Variants in ZNF143 observed in about 807,000 individuals in gnomAD.
ZNF143 encodes zinc finger protein 143.
Under a neutral mutation model 74.1 loss-of-function variants are expected in ZNF143, and 49 were observed. That is an observed-to-expected ratio of 0.66 (90% CI 0.53 to 0.84). The LOEUF (loss-of-function observed/expected upper bound fraction) is 0.84. Ranked by LOEUF, ZNF143 falls within the 40% of genes least tolerant of loss-of-function variation. ZNF143 has a pLI of 0.00. For synonymous variants in ZNF143, 304 were observed against 282.8 expected, an observed-to-expected ratio of 1.07 and a Z score of -0.75; for missense variants, 637 against 793.4, an observed-to-expected ratio of 0.80 and a Z score of 2.37.
At chr11:9,476,981 C>G (rs1223047154) in intron 5 of ZNF143, among the ~76,000 whole-genome samples, 1 of 150,708 alleles carries the variant, frequency 6.6e-6, no homozygotes, top group Non-Finnish European at 1.5e-5. Context: ...CCAGGATGGT[C>G]TCGGTCTCCT....
intron 13 of ZNF143, among the ~76,000 whole-genome samples, chr11:9,513,248 A>G (rs1251177423): frequency 1.3e-5 from 2 of 152,160 alleles, no homozygotes; most frequent in Non-Finnish European, 2.9e-5. Flanking sequence ...TCTTTCATGG[A>G]GAACGCTCTC....
intron 6 of ZNF143, 85 bp from the exon 7 acceptor site, chr11:9,479,387 A>T: frequency 9.9e-7 from 1 of 1,013,394 alleles, no homozygotes; most frequent in Non-Finnish European, 1.4e-6. Context: ...TTTTTTTTGC[A>T]AGCTTCTCCC....
intron 2 of ZNF143, among the ~76,000 whole-genome samples, chr11:9,471,935 G>GTT (rs11285095): frequency 7.3e-5 from 10 of 136,788 alleles, no homozygotes; most frequent in East Asian, 6.6e-4. Flanking sequence ...CTTTTCTTTT[G>GTT]TTTTTTTTTT....
rs1856658142 is a variant in ZNF143, at chr11:9,472,769, G to A, written c.205G>A (p.Asp69Asn). 6.4e-7 allele frequency: 1 copy of A among 1,566,116 alleles called. No individual in the cohort carries two copies. The highest frequency in any genetic ancestry group is 1.2e-5 in the South Asian group (1 of 83,212). The change falls in exon 3 of 16, where the codon GAT becomes AAT. Residue 69 changes from aspartate to asparagine, a missense_variant and splice_region_variant. Transcript: ENST00000396602. ...TGCTTACATACAACACAATTCTAAA[G>A]GTATGTGCCTCACATATGGCTGATT... is the stretch of plus-strand genomic sequence containing the variant. ...STAYIQHNSK[D>N]AKLIDGQVIQ...
At chr11:9,494,164 C>G (rs924387170) in intron 7 of ZNF143, among the ~76,000 whole-genome samples, 11 of 152,178 alleles carry the variant, frequency 7.2e-5, no homozygotes, top group African/African-American at 2.7e-4. Flanking sequence ...TCACTGACTT[C>G]AACCATGCAA....
intron 7 of ZNF143, among the ~76,000 whole-genome samples, chr11:9,480,289 G>T (rs1005948668): frequency 6.6e-6 from 1 of 152,200 alleles, no homozygotes; most frequent in Non-Finnish European, 1.5e-5. Context: ...TTCGTGTGGA[G>T]GGTATGCTTG....
chr11:9,479,374 TC>T, intron 6 of ZNF143, 97 bp from the exon 7 acceptor site: 1 of 911,622 alleles, frequency 1.1e-6, no homozygotes, highest in Non-Finnish European at 1.6e-6. Flanking sequence ...TTTTTCTTTT[TC>T]TTTTTTTTTG....
In ZNF143 at chr11:9,498,100, G is replaced by A. The variant is rs57760683; in HGVS notation, c.967+300G>A. ...CCGCCTCTGCCTCCCAAAGTGCTGC[G>A]ATTACAGGCGTGAGCCACCGCGCCC... On this transcript the variant is annotated intron_variant, in intron 10 of 15. Coordinates refer to ENST00000396602, the MANE Select transcript of ZNF143 (RefSeq NM_003442.6). 2.4e-4 allele frequency among the ~76,000 whole-genome samples: 36 copies of A among 152,312 alleles called. 1 individual carries two copies. The highest frequency in any genetic ancestry group is 8.4e-4 in the African/African-American group (35 of 41,562).
intron 11 of ZNF143, among the ~76,000 whole-genome samples, chr11:9,505,713 C>T (rs1393547237): frequency 3.3e-5 from 5 of 151,584 alleles, no homozygotes; most frequent in Admixed American, 3.3e-4. Context: ...GAAACCCTGT[C>T]TCTACCAAAA....
Position 9,472,489 on chromosome 11 carries a change from T to A in ZNF143, c.113-188T>A, listed in dbSNP as rs59571955. Among the ~76,000 whole-genome samples, 2,726 of 152,264 alleles carry A rather than the reference T, an allele frequency of 0.018. 73 individuals are homozygous for A. The highest frequency in any genetic ancestry group is 0.06 in the African/African-American group (2,509 of 41,568). Reference sequence around the variant, plus strand: ...GGCTGGTGTCGAACTTCTGACCTCATGATCCACTTGCCTTGGCCTCCCAAA... The same window carrying A: ...GGCTGGTGTCGAACTTCTGACCTCAAGATCCACTTGCCTTGGCCTCCCAAA... On this transcript the variant is annotated intron_variant, in intron 2 of 15. Coordinates refer to ENST00000396602, the MANE Select transcript of ZNF143 (RefSeq NM_003442.6).
chr11:9,469,476 C>A (rs979499341), intron 1 of ZNF143, among the ~76,000 whole-genome samples: 2 of 151,920 alleles, frequency 1.3e-5, no homozygotes, highest in African/African-American at 4.8e-5. Context: ...AGGTGATCCA[C>A]CCACCCTGGC....
chr11:9,472,699 G>T lies in ZNF143; in HGVS notation c.135G>T (p.Met45Ile). The T allele has an allele frequency of 6.2e-7, 1 of 1,609,982 alleles. No homozygotes were observed. Among genetic ancestry groups the T allele is most frequent in the Non-Finnish European group, 8.5e-7 (1 of 1,178,824 alleles). Reference protein sequence around the residue: ...TVADGDNLENMEGVSLQAVTL... With the variant: ...TVADGDNLENIEGVSLQAVTL... ...TAGATGGTGACAACTTAGAAAATAT[G>T]GAAGGCGTAAGCTTGCAAGCAGTAA... Residue 45 changes from methionine (M) to isoleucine (I), a missense_variant, in exon 3 of 16, where the codon ATG (methionine) becomes ATT (isoleucine). Physicochemically the swap from Met to Ile is conservative, Grantham distance 10 (BLOSUM62 1). Transcript: ENST00000396602.
At chr11:9,470,163 T>A (rs1856486770) in intron 1 of ZNF143, among the ~76,000 whole-genome samples, 1 of 151,944 alleles carries the variant, frequency 6.6e-6, no homozygotes, top group Non-Finnish European at 1.5e-5. Flanking sequence ...GACCTGGAGG[T>A]AGAAGGGAAG....
chr11:9,487,106 A>G (rs1392057567), intron 7 of ZNF143, among the ~76,000 whole-genome samples: 1 of 150,668 alleles, frequency 6.6e-6, no homozygotes, highest in Non-Finnish European at 1.5e-5. Context: ...AGCTGGGAAT[A>G]CAGGTGCCTG....
intron 12 of ZNF143, 137 bp downstream of exon 12, chr11:9,508,983 T>G: frequency 1.1e-6 from 1 of 924,690 alleles, no homozygotes; most frequent in Non-Finnish European, 1.6e-6. Context: ...ACAGCTGCAG[T>G]AAGTGCTATT....
At chr11:9,526,331 G>A (rs1849124752) in intron 15 of ZNF143, among the ~76,000 whole-genome samples, 1 of 152,040 alleles carries the variant, frequency 6.6e-6, no homozygotes, top group Admixed American at 6.6e-5. Context: ...TCCAGCCTGG[G>A]CAACAGAGCG....
chr11:9,472,032 C>T (rs111616700), intron 2 of ZNF143, among the ~76,000 whole-genome samples: 222 of 150,320 alleles, frequency 1.5e-3, no homozygotes, highest in African/African-American at 4.8e-3. Context: ...TGGCTTAAGA[C>T]ATCCTGTCAC....
chr11:9,502,512 A>G (rs2134106148), intron 11 of ZNF143, among the ~76,000 whole-genome samples: 1 of 150,482 alleles, frequency 6.6e-6, no homozygotes, highest in Non-Finnish European at 1.5e-5. Context: ...CCGGAGGCTG[A>G]GGCAGGAGAA....
chr11:9,490,770 A>T (rs1847742660), intron 7 of ZNF143, among the ~76,000 whole-genome samples: 2 of 152,170 alleles, frequency 1.3e-5, no homozygotes, highest in South Asian at 4.2e-4. Context: ...TCTCATTCTG[A>T]TGCCCAAGCT....
Sources: gnomAD v4.1 joint callset for allele counts (sites outside exome capture counted in the v4.1 genomes callset) on GRCh38, gnomAD v4.1.1 for gene constraint, MANE v1.5 for transcripts, NCBI Gene and HGNC (gene_info 2026-07-23, HGNC 2026-07-21) for gene names.